The following CPNE8 variants were observed in gnomAD, a reference collection of about 807,000 sequenced individuals.
The protein encoded by CPNE8 is copine 8.
A neutral mutation model predicts 81.5 loss-of-function variants in CPNE8; 45 were observed. The observed-to-expected ratio is 0.55, with a 90% CI of 0.44 to 0.71. The LOEUF is 0.71. Ranked by LOEUF, CPNE8 falls within the 30% of genes least tolerant of loss-of-function variation. The pLI is 0.00. For missense variants in CPNE8, 594 were observed against 672.1 expected, an observed-to-expected ratio of 0.88 and a Z score of 1.28; for synonymous variants, 252 against 226.3, an observed-to-expected ratio of 1.11 and a Z score of -1.02.
At chr12:38,807,801 C>G (rs921574436) in intron 6 of CPNE8, among the ~76,000 whole-genome samples, 20 of 151,802 alleles carry the variant, frequency 1.3e-4, no homozygotes, top group African/African-American at 4.6e-4. Flanking sequence ...AAACTGCCAT[C>G]AGAGTGAACA....
intron 7 of CPNE8, among the ~76,000 whole-genome samples, chr12:38,770,628 A>G (rs917963097): frequency 2.6e-5 from 4 of 152,148 alleles, no homozygotes; most frequent in Admixed American, 6.5e-5. Flanking sequence ...CCAACATCTA[A>G]TGGGTTCTGA....
upstream of CPNE8, chr12:38,906,734 C>T: frequency 4.7e-6 from 2 of 426,358 alleles, no homozygotes; most frequent in Non-Finnish European, 6.3e-6. Flanking sequence ...CTTTGTTCCC[C>T]GCGCCTTCCC....
intron 5 of CPNE8, among the ~76,000 whole-genome samples, chr12:38,837,743 G>A (rs1391677559): frequency 6.6e-6 from 1 of 152,046 alleles, no homozygotes; most frequent in Non-Finnish European, 1.5e-5. Context: ...AAAGAGTGAA[G>A]AGAAGACATT....
At chr12:38,857,786 C>T (rs779143755) in intron 3 of CPNE8, among the ~76,000 whole-genome samples, 2 of 152,112 alleles carry the variant, frequency 1.3e-5, no homozygotes, top group African/African-American at 4.8e-5. Flanking sequence ...ATCTCAGCTA[C>T]TCGGGAGGCT....
At chr12:38,784,122 C>T (rs1370758631) in intron 6 of CPNE8, among the ~76,000 whole-genome samples, 1 of 152,084 alleles carries the variant, frequency 6.6e-6, no homozygotes, top group Non-Finnish European at 1.5e-5. Flanking sequence ...GAAGATGACA[C>T]AGAAAGTAAT....
intron 15 of CPNE8, among the ~76,000 whole-genome samples, chr12:38,687,374 C>CTTTTTTTT: frequency 1.7e-5 from 1 of 58,660 alleles, no homozygotes; most frequent in Non-Finnish European, 3.6e-5. Flanking sequence ...CCAAGACTTT[C>CTTTTTTTT]TTTTTTTTTT....
chr12:38,854,384 AT>A (rs1943694642), intron 3 of CPNE8, among the ~76,000 whole-genome samples: 1 of 113,914 alleles, frequency 8.8e-6, no homozygotes, highest in African/African-American at 4.9e-5. Flanking sequence ...AACTCACTTT[AT>A]TATACGTCTA....
At chr12:38,718,222 C>T (rs1940458460) in intron 13 of CPNE8, among the ~76,000 whole-genome samples, 1 of 152,066 alleles carries the variant, frequency 6.6e-6, no homozygotes. Flanking sequence ...AAGAGTCTCC[C>T]CTGAGGCATG....
At chr12:38,881,196 C>T (rs904129286) in intron 1 of CPNE8, among the ~76,000 whole-genome samples, 18 of 137,422 alleles carry the variant, frequency 1.3e-4, no homozygotes, top group African/African-American at 3.8e-4. Flanking sequence ...GCGGACACAG[C>T]GAGATTCCGT....
At chr12:38,857,339 G>T (rs969360189) in intron 3 of CPNE8, among the ~76,000 whole-genome samples, 1 of 152,092 alleles carries the variant, frequency 6.6e-6, no homozygotes, top group African/African-American at 2.4e-5. Flanking sequence ...ATAAAACATA[G>T]ATCTGTCCTT....
intron 19 of CPNE8, among the ~76,000 whole-genome samples, chr12:38,656,040 A>G (rs1938808042): frequency 6.6e-6 from 1 of 151,576 alleles, no homozygotes; most frequent in Non-Finnish European, 1.5e-5. Context: ...AACTTTTGTG[A>G]AGTGTTTATT....
chr12:38,756,788 T>C (rs915279098), intron 10 of CPNE8, among the ~76,000 whole-genome samples: 5 of 152,346 alleles, frequency 3.3e-5, no homozygotes, highest in African/African-American at 1.2e-4. Flanking sequence ...TTCATTAAAG[T>C]CTACGTAGTA....
intron 6 of CPNE8, among the ~76,000 whole-genome samples, chr12:38,794,621 G>A (rs1942410165): frequency 6.7e-6 from 1 of 149,804 alleles, no homozygotes; most frequent in African/African-American, 2.5e-5. Context: ...TAGCCATGAG[G>A]ATAACTACTA....
At position 38,890,569 on chromosome 12, in the gene CPNE8, A is replaced by T. The variant is rs181597153; in HGVS notation, c.98+14868T>A. 2.0e-3 allele frequency among the ~76,000 whole-genome samples: 296 copies of T among 149,282 alleles called. 2 individuals are homozygous for T. The highest frequency in any genetic ancestry group is 7.7e-4 in the Non-Finnish European group (52 of 67,544). On this transcript the variant is annotated intron_variant, in intron 1 of 19. Coordinates refer to ENST00000331366, the MANE Select transcript of CPNE8 (RefSeq NM_153634.3). ...GTGGCACAAAATTTAAATTGGTGAT[A>T]AAAAAAAATACAGAGTCTGGAAGAA...
intron 10 of CPNE8, among the ~76,000 whole-genome samples, chr12:38,734,863 T>C (rs1307148636): frequency 1.3e-5 from 2 of 152,146 alleles, no homozygotes; most frequent in Admixed American, 6.6e-5. Flanking sequence ...GGCTTATGAA[T>C]GGATGTGTGT....
chr12:38,674,496 T>C (rs1003580796), intron 18 of CPNE8, among the ~76,000 whole-genome samples: 4 of 152,174 alleles, frequency 2.6e-5, no homozygotes, highest in African/African-American at 7.2e-5. Context: ...ATGCAGATTA[T>C]CAAGTGTGCA....
intron 1 of CPNE8, 79 bp from the exon 2 acceptor site, chr12:38,874,590 T>C (rs1944041151): frequency 2.4e-6 from 2 of 836,260 alleles, no homozygotes; most frequent in Admixed American, 2.3e-5. Flanking sequence ...AAAATGTGTA[T>C]GTACATAATT....
chr12:38,866,738 G>GCAAATTAT (rs1943920026), intron 3 of CPNE8, among the ~76,000 whole-genome samples: 1 of 152,126 alleles, frequency 6.6e-6, no homozygotes, highest in African/African-American at 2.4e-5. Context: ...GGCCTACATA[G>GCAAATTAT]CAAATTATCT....
intron 16 of CPNE8, 69 bp downstream of exon 16, chr12:38,685,421 A>AGC (rs1456698195): frequency 6.6e-7 from 1 of 1,510,984 alleles, no homozygotes; most frequent in African/African-American, 1.4e-5. Flanking sequence ...GAGTCATGCT[A>AGC]GCAACAATGT....
Sources: allele counts gnomAD v4.1 joint callset (sites outside exome capture counted in the v4.1 genomes callset), GRCh38; gene constraint gnomAD v4.1.1; transcripts MANE v1.5; gene names NCBI Gene and HGNC (gene_info 2026-07-23, HGNC 2026-07-21).